Variants in B3GLCT observed in about 807,000 individuals in gnomAD.
B3GLCT encodes beta-1,3-glucosyltransferase.
B3GLCT carries 65 observed loss-of-function variants against 63.4 expected under a neutral mutation model. The ratio of observed to expected loss-of-function variants is 1.03; its 90% CI spans 0.84 to 1.26. B3GLCT has a LOEUF of 1.26. Ranked by LOEUF, B3GLCT falls within the 50% of genes most tolerant of loss-of-function variation. B3GLCT has a pLI of 0.00. For missense variants in B3GLCT, 577 were observed against 604.8 expected (o/e 0.95, Z 0.48); for synonymous variants, 233 against 219.2 (o/e 1.06, Z -0.55).
At chr13:31,213,599 C>T (rs373218579) in intron 1 of B3GLCT, among the ~76,000 whole-genome samples, 2 of 114,604 alleles carry the variant, frequency 1.7e-5, no homozygotes, top group Non-Finnish European at 3.5e-5. Flanking sequence ...AAAACAAAAA[C>T]AAAACAACAC....
chr13:31,256,911 T>TAA (rs35174736), intron 6 of B3GLCT, among the ~76,000 whole-genome samples: 4 of 147,018 alleles, frequency 2.7e-5, no homozygotes, highest in African/African-American at 7.5e-5. Flanking sequence ...CCCCAGAACT[T>TAA]AAAAAAAAAA....
rs74460572 is a variant in B3GLCT at position 31,286,287 on chromosome 13, C to T, written c.965-433C>T. 3.7e-4 allele frequency among the ~76,000 whole-genome samples: 57 copies of T among 152,336 alleles called. No individual in the cohort carries two copies. The East Asian group carries it at 8.9e-3, about 24-fold the overall frequency. On this transcript the variant is annotated intron_variant, in intron 11 of 14. Transcript: ENST00000343307. ...CAAAATAAGTAAATGAAGGTATAAG[C>T]TTCCGCCTTTGCACTGCTGCTTCCC...
intron 8 of B3GLCT, among the ~76,000 whole-genome samples, 178 bp downstream of exon 8, chr13:31,269,455 A>G (rs1349937981): frequency 6.6e-6 from 1 of 152,180 alleles, no homozygotes; most frequent in Non-Finnish European, 1.5e-5. Context: ...CATTTCAGTT[A>G]TGTAGATGAA....
intron 3 of B3GLCT, among the ~76,000 whole-genome samples, chr13:31,226,540 G>A (rs1870111771): frequency 6.6e-6 from 1 of 152,204 alleles, no homozygotes; most frequent in South Asian, 2.1e-4. Context: ...TGCTGAGCTG[G>A]TAGGAGTGGC....
chr13:31,212,020 T>C (rs1233168367), intron 1 of B3GLCT, among the ~76,000 whole-genome samples: 2 of 152,232 alleles, frequency 1.3e-5, no homozygotes, highest in Non-Finnish European at 2.9e-5. Flanking sequence ...GAAAGTTATC[T>C]TATTTGATTA....
Position 31,329,737 on chromosome 13 carries a change from C to T in B3GLCT, c.*69C>T. The T allele has an allele frequency of 6.5e-7, 1 of 1,535,584 alleles. No homozygotes were observed. Among genetic ancestry groups the T allele is most frequent in the Non-Finnish European group, 9.0e-7 (1 of 1,113,834 alleles). On this transcript the variant is annotated 3_prime_UTR_variant, in exon 15 of 15. Coordinates refer to ENST00000343307, the MANE Select transcript of B3GLCT (RefSeq NM_194318.4). The stretch of plus-strand genomic sequence containing the variant: ...GAGACTGTGGCCTCATCCCACTGTG[C>T]TGTGCTCACAACACTTGTGTCTGCC...
intron 12 of B3GLCT, among the ~76,000 whole-genome samples, chr13:31,311,112 T>C (rs567376380): frequency 3.4e-4 from 52 of 152,308 alleles, no homozygotes; most frequent in African/African-American, 1.2e-3. Context: ...GAGAGAGAGA[T>C]TGTTTCCTGA....
chr13:31,259,765 A>G (rs1460468437), intron 6 of B3GLCT, among the ~76,000 whole-genome samples: 1 of 151,340 alleles, frequency 6.6e-6, no homozygotes, highest in Admixed American at 6.6e-5. Flanking sequence ...GCTCCCATGG[A>G]TGGGCTTTCT....
rs146185438 is a variant in B3GLCT at position 31,229,227 on chromosome 13, C to A, written c.203C>A (p.Ser68Tyr). ...IVFVIQSQSN[S>Y]FHAKRAEQLK... ...TTCGTCATCCAGAGTCAAAGTAATTCTTTTCATGCAAAGAGAGCAGAGCAG... is the reference window on the plus strand; with the variant it reads ...TTCGTCATCCAGAGTCAAAGTAATTATTTTCATGCAAAGAGAGCAGAGCAG... The change falls in exon 4 of 15, where the codon TCT becomes TAT. Residue 68 changes from serine (S) to tyrosine (Y), a missense_variant. By Grantham distance (144) the Ser-to-Tyr change is moderately radical. Transcript: ENST00000343307. The A allele has an allele frequency of 3.1e-6, 5 of 1,613,232 alleles. No individual in the cohort carries two copies. The African/African-American group carries it at 5.3e-5, about 17-fold the overall frequency.
rs549403517 is a variant in B3GLCT at position 31,270,794 on chromosome 13, A to G, written c.660+1517A>G. 2.6e-4 allele frequency among the ~76,000 whole-genome samples: 39 copies of G among 152,348 alleles called. 1 individual carries two copies. The South Asian group carries it at 8.1e-3, about 32-fold the overall frequency. ...TTGGGCTTTATATAAACAAAATTGT[A>G]TACAAATGCTGCAGGATTTTTTGCT... On this transcript the variant is annotated intron_variant, in intron 8 of 14. Coordinates refer to ENST00000343307, the MANE Select transcript of B3GLCT (RefSeq NM_194318.4).
chr13:31,230,570 A>G (rs1870326877), intron 4 of B3GLCT, among the ~76,000 whole-genome samples: 1 of 152,252 alleles, frequency 6.6e-6, no homozygotes, highest in Admixed American at 6.5e-5. Context: ...TATAAACTGT[A>G]TCAAACTGTC....
intron 14 of B3GLCT, among the ~76,000 whole-genome samples, chr13:31,329,000 T>C (rs1875777716): frequency 6.6e-6 from 1 of 152,176 alleles, no homozygotes; most frequent in Non-Finnish European, 1.5e-5. Context: ...TACATTATCC[T>C]CCTCCCGAGT....
At chr13:31,282,628 C>T (rs566794200) in intron 10 of B3GLCT, among the ~76,000 whole-genome samples, 9 of 129,628 alleles carry the variant, frequency 6.9e-5, no homozygotes, top group Middle Eastern at 5.4e-3. Flanking sequence ...GGCAACAGAG[C>T]GAGAGAGTGA....
intron 12 of B3GLCT, among the ~76,000 whole-genome samples, chr13:31,293,791 A>C (rs935252459): frequency 1.3e-5 from 2 of 152,170 alleles, no homozygotes; most frequent in Non-Finnish European, 2.9e-5. Flanking sequence ...TAAATGGAGC[A>C]TTTAGCCCAT....
chr13:31,293,512 T>A (rs920143091), intron 12 of B3GLCT, among the ~76,000 whole-genome samples: 1 of 152,244 alleles, frequency 6.6e-6, no homozygotes, highest in Admixed American at 6.5e-5. Flanking sequence ...ATATTTAGGA[T>A]AGTTAGCTCT....
At chr13:31,271,917 T>C (rs1819513382) in intron 8 of B3GLCT, among the ~76,000 whole-genome samples, 2 of 152,252 alleles carry the variant, frequency 1.3e-5, no homozygotes, top group African/African-American at 4.8e-5. Flanking sequence ...AATTTGTCTT[T>C]ATCTTTAGTA....
chr13:31,323,235 A>T (rs1242013529), intron 13 of B3GLCT, among the ~76,000 whole-genome samples: 2 of 152,174 alleles, frequency 1.3e-5, no homozygotes, highest in Non-Finnish European at 2.9e-5. Flanking sequence ...AGACTGATTC[A>T]TAGAATGTTT....
chr13:31,285,361 A>G (rs1873268160), intron 11 of B3GLCT, among the ~76,000 whole-genome samples: 1 of 152,154 alleles, frequency 6.6e-6, no homozygotes, highest in African/African-American at 2.4e-5. Flanking sequence ...TGAGTACGAT[A>G]GACACTCTTC....
At chr13:31,321,160 C>G (rs969048042) in intron 13 of B3GLCT, among the ~76,000 whole-genome samples, 8 of 152,246 alleles carry the variant, frequency 5.3e-5, no homozygotes, top group African/African-American at 1.9e-4. Context: ...AATCCATGAA[C>G]ACAAGGCACT....
Sources: gnomAD v4.1 joint callset for allele counts (sites outside exome capture counted in the v4.1 genomes callset) on GRCh38, gnomAD v4.1.1 for gene constraint, MANE v1.5 for transcripts, NCBI Gene and HGNC (gene_info 2026-07-23, HGNC 2026-07-21) for gene names.